The following ATAD5 variants were observed in gnomAD, a reference collection of about 807,000 sequenced individuals.
ATAD5 encodes ATPase family AAA domain-containing protein 5.
In ATAD5, 58 loss-of-function variants were observed where a neutral mutation model predicts 176.9. That is an observed-to-expected ratio of 0.33 (90% CI 0.27 to 0.41). The LOEUF (loss-of-function observed/expected upper bound fraction) is 0.41. ATAD5 is among the 10% of genes least tolerant of loss of function. The pLI, the probability that ATAD5 is intolerant of heterozygous loss-of-function variation, is 1.00. For missense variants in ATAD5, 1,789 were observed against 2,094.1 expected (o/e 0.85, Z 2.84); for synonymous variants, 640 against 712.6 (o/e 0.90, Z 1.62).
intron 14 of ATAD5, among the ~76,000 whole-genome samples, chr17:30,873,358 A>G (rs1327625712): frequency 7.0e-6 from 1 of 143,268 alleles, no homozygotes; most frequent in African/African-American, 2.6e-5. Context: ...TTGCTCTGTC[A>G]CGAGGCTGGA....
intron 11 of ATAD5, among the ~76,000 whole-genome samples, chr17:30,866,632 T>C (rs1017001761): frequency 2.0e-5 from 3 of 151,914 alleles, no homozygotes; most frequent in Non-Finnish European, 2.9e-5. Flanking sequence ...CTGGCCAACA[T>C]GGTGAAACCC....
chr17:30,894,988 C>A lies in ATAD5; in HGVS notation c.*75C>A, dbSNP rs1174299441. On this transcript the variant is annotated 3_prime_UTR_variant, in exon 23 of 23. Coordinates refer to ENST00000321990, the MANE Select transcript of ATAD5 (RefSeq NM_024857.5). ...TACATTTTTATATTATGTGGATCTT[C>A]ATGGAAAAGTATATTTCTCGATGTA... 6.4e-5 allele frequency: 60 copies of A among 942,542 alleles called. No individual in the cohort carries two copies. The highest frequency in any genetic ancestry group is 9.0e-5 in the Non-Finnish European group (59 of 658,164). 58.4% of individuals were successfully genotyped at this position (942,542 alleles called of 1,614,324 possible).
chr17:30,851,912 T>C (rs1906994053), intron 6 of ATAD5, among the ~76,000 whole-genome samples: 1 of 152,162 alleles, frequency 6.6e-6, no homozygotes, highest in African/African-American at 2.4e-5. Context: ...AGAGACTAGA[T>C]CTTACTATTT....
chr17:30,875,729 G>A (rs1414976065), intron 14 of ATAD5, among the ~76,000 whole-genome samples: 1 of 151,006 alleles, frequency 6.6e-6, no homozygotes, highest in African/African-American at 2.4e-5. Flanking sequence ...CTGGGAGGTG[G>A]AAACTGCAGT....
At chr17:30,868,667 C>T (rs781665521) in intron 12 of ATAD5, among the ~76,000 whole-genome samples, 23 of 151,150 alleles carry the variant, frequency 1.5e-4, no homozygotes, top group Admixed American at 3.3e-4. Flanking sequence ...CCGCCACGCC[C>T]GACTAATTTT....
chr17:30,893,393 A>T lies in ATAD5; in HGVS notation c.4540A>T (p.Ile1514Phe), dbSNP rs368957687. Residue 1514 changes from isoleucine to phenylalanine, a missense_variant, in exon 21 of 23, where the codon ATT becomes TTT. By Grantham distance (21) the Ile-to-Phe change is conservative (BLOSUM62 0). Around this residue, in one of 6 missense-constraint regions of ATAD5, gnomAD observed 403 missense variants for 495.1 expected, o/e 0.81. Coordinates refer to ENST00000321990, the MANE Select transcript of ATAD5 (RefSeq NM_024857.5). Reference sequence around the variant, plus strand: ...TTTTTTATATAGTAATCTTGAGTTTATTCTACCATTACCAGTTGATACCAT... The same window carrying T: ...TTTTTTATATAGTAATCTTGAGTTTTTTCTACCATTACCAGTTGATACCAT... Reference protein sequence around the residue: ...VDFLYSNLEFILPLPVDTIPE... With the variant: ...VDFLYSNLEFFLPLPVDTIPE... 59 of 1,612,062 alleles carry T rather than the reference A, an allele frequency of 3.7e-5. No individual in the cohort carries two copies. The highest frequency in any genetic ancestry group is 3.6e-4 in the East Asian group (16 of 44,874).
intron 20 of ATAD5, 66 bp downstream of exon 20, chr17:30,892,854 C>T (rs530620646): frequency 7.7e-7 from 1 of 1,299,162 alleles, no homozygotes; most frequent in South Asian, 1.6e-5. Flanking sequence ...ACATTAGCCT[C>T]CTATCTTTTG....
intron 18 of ATAD5, among the ~76,000 whole-genome samples, chr17:30,881,007 CGAT>C (rs1219443052): frequency 1.3e-5 from 2 of 150,046 alleles, no homozygotes; most frequent in African/African-American, 4.9e-5. Flanking sequence ...TTTTTTCTTA[CGAT>C]GATGAACAAG....
At chr17:30,866,138 T>G (rs1353172719) in intron 11 of ATAD5, among the ~76,000 whole-genome samples, 1 of 151,780 alleles carries the variant, frequency 6.6e-6, no homozygotes, top group Non-Finnish European at 1.5e-5. Flanking sequence ...TTTATTGACT[T>G]TATTACATGA....
chr17:30,854,652 G>C (rs1033262940), intron 6 of ATAD5, among the ~76,000 whole-genome samples: 1 of 151,550 alleles, frequency 6.6e-6, no homozygotes, highest in African/African-American at 2.4e-5. Flanking sequence ...GATTACAGGC[G>C]TGAGCCACCA....
At chr17:30,859,442 C>G (rs1263006940) in intron 9 of ATAD5, among the ~76,000 whole-genome samples, 2 of 152,134 alleles carry the variant, frequency 1.3e-5, no homozygotes, top group Non-Finnish European at 2.9e-5. Flanking sequence ...TCAGTGCAAC[C>G]TCTGCCTCCC....
At chr17:30,885,776 G>A (rs1387472988) in intron 18 of ATAD5, among the ~76,000 whole-genome samples, 1 of 151,720 alleles carries the variant, frequency 6.6e-6, no homozygotes. Context: ...TGGGATTATA[G>A]GCAAGTGCCA....
chr17:30,887,288 G>A lies in ATAD5; in HGVS notation c.4174G>A (p.Asp1392Asn), dbSNP rs1350444052. Residue 1392 changes from aspartate to asparagine, a missense_variant, in exon 19 of 23, where the codon GAT (aspartate) becomes AAT (asparagine). Coordinates refer to ENST00000321990, the MANE Select transcript of ATAD5 (RefSeq NM_024857.5). ...AACCTTGTTAACTGCAAATACTTGT[G>A]ATATCAGAAAAAGTATCCTTTACTT... is the stretch of plus-strand genomic sequence containing the variant. Reference protein sequence around the residue: ...FVTLLTANTCDIRKSILYLQF... With the variant: ...FVTLLTANTCNIRKSILYLQF... 6.2e-7 allele frequency: 1 copy of A among 1,605,698 alleles called. No individual in the cohort carries two copies. Among genetic ancestry groups the A allele is most frequent in the Non-Finnish European group, 8.5e-7 (1 of 1,176,340 alleles).
intron 19 of ATAD5, among the ~76,000 whole-genome samples, chr17:30,888,372 C>T (rs993420979): frequency 2.6e-5 from 4 of 151,754 alleles, no homozygotes; most frequent in African/African-American, 9.7e-5. Flanking sequence ...GGCAACATGG[C>T]GAAACCCCAT....
chr17:30,891,464 C>T (rs529176139), intron 19 of ATAD5, among the ~76,000 whole-genome samples: 4 of 152,204 alleles, frequency 2.6e-5, no homozygotes, highest in African/African-American at 7.2e-5. Flanking sequence ...CTCTGCCTCC[C>T]GGGTTCAAGT....
In ATAD5 at chr17:30,895,240, T is replaced by A. The variant is rs1909848232; in HGVS notation, c.*327T>A. The A allele has an allele frequency of 5.9e-6, 1 of 170,610 alleles. No individual in the cohort carries two copies. The highest frequency in any genetic ancestry group is 2.4e-5 in the African/African-American group (1 of 42,078). 10.6% of individuals were successfully genotyped at this position (170,610 alleles called of 1,614,324 possible). Reference sequence around the variant, plus strand: ...GTTTATATTATATATTAGCTTAATATTCAGATACATTATCTTGGCTGCTAA... The same window carrying A: ...GTTTATATTATATATTAGCTTAATAATCAGATACATTATCTTGGCTGCTAA... On this transcript the variant is annotated 3_prime_UTR_variant, in exon 23 of 23. Transcript: ENST00000321990.
intron 6 of ATAD5, among the ~76,000 whole-genome samples, chr17:30,850,861 ATATATATATT>A (rs1906893541): frequency 3.8e-5 from 1 of 26,176 alleles, no homozygotes; most frequent in Non-Finnish European, 7.4e-5. Context: ...ATATATATAT[ATATATATATT>A]TTTTTTTTTT....
Position 30,840,713 on chromosome 17 carries a change from G to A in ATAD5, c.2173G>A (p.Ala725Thr). The change falls in exon 4 of 23, where the codon GCG becomes ACG. Residue 725 changes from alanine to threonine, a missense_variant. Physicochemically the swap from Ala to Thr is moderately conservative, Grantham distance 58. This residue lies in a region of ATAD5 where 487 missense variants were observed against 573.6 expected (regional missense o/e 0.85). Transcript: ENST00000321990. ...TAGGTCAAAGGTGACTGAAGAAATA[G>A]CGATACCCTTAAGGCGCTCCTCTAG... ...ISRSKVTEEI[A>T]IPLRRSSRHQ... is the part of the protein sequence containing the mutation. 1 of 1,609,740 alleles carries A rather than the reference G, an allele frequency of 6.2e-7. No individual in the cohort carries two copies. Among genetic ancestry groups the A allele is most frequent in the Non-Finnish European group, 8.5e-7 (1 of 1,178,464 alleles).
At chr17:30,855,471 C>T (rs1044251048) in intron 7 of ATAD5, 144 bp downstream of exon 7, 3 of 893,100 alleles carry the variant, frequency 3.4e-6, no homozygotes, top group Non-Finnish European at 3.3e-6. Context: ...CAATTTCTCT[C>T]ACTATCCATG....
Sources: gnomAD v4.1 joint callset for allele counts (sites outside exome capture counted in the v4.1 genomes callset) on GRCh38, gnomAD v4.1.1 for gene constraint, gnomAD v4.1.1 regional missense constraint, MANE v1.5 for transcripts, NCBI Gene and HGNC (gene_info 2026-07-23, HGNC 2026-07-21) for gene names.